Variants in KLRD1 observed in about 807,000 individuals in gnomAD.
KLRD1 encodes killer cell lectin like receptor D1.
Under a neutral mutation model 22.6 loss-of-function variants are expected in KLRD1, and 21 were observed. The observed-to-expected ratio is 0.93, with a 90% confidence interval of 0.66 to 1.34. KLRD1 has a LOEUF of 1.34. Among genes scored for constraint, KLRD1 ranks in the 40% most tolerant of loss-of-function variants. KLRD1 has a pLI of 0.00. For synonymous variants in KLRD1, 59 were observed against 71.1 expected (o/e 0.83, Z 0.85); for missense variants, 183 against 208.6 (o/e 0.88, Z 0.76).
At chr12:10,307,324 C>T (rs1488884256), upstream of KLRD1, among the ~76,000 whole-genome samples, 1 of 152,086 alleles carries the variant, frequency 6.6e-6, no homozygotes, top group Non-Finnish European at 1.5e-5. Flanking sequence ...GTGAATGAGG[C>T]GTCCAAGTGG....
At chr12:10,263,020 G>GACGT (rs1265963335) in intron 1 of KLRD1, among the ~76,000 whole-genome samples, 1 of 152,020 alleles carries the variant, frequency 6.6e-6, no homozygotes, top group Non-Finnish European at 1.5e-5. Context: ...AAACACCTTA[G>GACGT]ACGTAGTGTA....
intron 1 of KLRD1, among the ~76,000 whole-genome samples, chr12:10,251,713 C>T (rs534338670): frequency 5.9e-5 from 9 of 151,564 alleles, no homozygotes; most frequent in South Asian, 2.1e-4. Flanking sequence ...CTGGGGGTGA[C>T]GGGAGACAGT....
intron 1 of KLRD1, among the ~76,000 whole-genome samples, chr12:10,259,218 T>C (rs1215185028): frequency 6.6e-6 from 1 of 152,214 alleles, no homozygotes; most frequent in Non-Finnish European, 1.5e-5. Context: ...TATTCTAATA[T>C]GCAATTCTTC....
At chr12:10,251,057 A>G (rs947758552) in intron 1 of KLRD1, among the ~76,000 whole-genome samples, 11 of 152,186 alleles carry the variant, frequency 7.2e-5, no homozygotes, top group African/African-American at 2.2e-4. Flanking sequence ...CCTCACTAGC[A>G]TTAACTACAG....
At chr12:10,284,272 A>C (rs1949678644) in intron 1 of KLRD1, among the ~76,000 whole-genome samples, 1 of 152,246 alleles carries the variant, frequency 6.6e-6, no homozygotes, top group Non-Finnish European at 1.5e-5. Flanking sequence ...TACCTTGTCC[A>C]ATCTATACAT....
chr12:10,316,408 A>T lies in KLRD1; in HGVS notation c.*1615A>T, dbSNP rs1197949254. 6.6e-6 allele frequency: 1 copy of T among 151,094 alleles called. No individual in the cohort carries two copies. Among genetic ancestry groups the T allele is most frequent in the African/African-American group, 2.4e-5 (1 of 41,006 alleles). The allele number at this position is 151,094 out of a possible 1,614,324, so 9.4% of individuals were successfully genotyped here. On this transcript the variant is annotated 3_prime_UTR_variant, in exon 6 of 6. Transcript: ENST00000336164. The stretch of plus-strand genomic sequence containing the variant: ...ACTTATTTTATTTTTTACTTTTATT[A>T]TTTTTTTTTCTGAGACACGGTTTCA...
At chr12:10,243,261 A>G (rs565481852) in intron 1 of KLRD1, among the ~76,000 whole-genome samples, 1 of 152,298 alleles carries the variant, frequency 6.6e-6, no homozygotes, top group African/African-American at 2.4e-5. Context: ...CAATGTGTAC[A>G]TATATCAAAA....
chr12:10,257,778 G>A (rs984333314), intron 1 of KLRD1, among the ~76,000 whole-genome samples: 3 of 151,640 alleles, frequency 2.0e-5, no homozygotes, highest in African/African-American at 7.3e-5. Context: ...GTGTTTTCCT[G>A]TTTCTTCGTA....
chr12:10,286,935 C>T (rs1204871066), intron 1 of KLRD1, among the ~76,000 whole-genome samples: 5 of 151,942 alleles, frequency 3.3e-5, no homozygotes, highest in East Asian at 1.9e-4. Context: ...GTCATGAGTT[C>T]GAGACCAGCC....
chr12:10,305,029 G>A (rs1311554712), upstream of KLRD1, among the ~76,000 whole-genome samples: 1 of 152,132 alleles, frequency 6.6e-6, no homozygotes, highest in Non-Finnish European at 1.5e-5. Context: ...ATACTAGAAC[G>A]TATACTGTTA....
intron 1 of KLRD1, among the ~76,000 whole-genome samples, chr12:10,284,680 C>A (rs900387033): frequency 6.6e-6 from 1 of 152,138 alleles, no homozygotes; most frequent in African/African-American, 2.4e-5. Flanking sequence ...CCACAAATTT[C>A]AGATAAGAAA....
At chr12:10,268,688 C>G (rs1014595055) in intron 1 of KLRD1, among the ~76,000 whole-genome samples, 3 of 151,890 alleles carry the variant, frequency 2.0e-5, no homozygotes, top group African/African-American at 7.3e-5. Context: ...TTTTCCTTGC[C>G]GAAGACATGC....
chr12:10,299,887 A>T (rs561874512), upstream of KLRD1, among the ~76,000 whole-genome samples: 1 of 152,192 alleles, frequency 6.6e-6, no homozygotes, highest in Non-Finnish European at 1.5e-5. Context: ...ATAGGAGTAG[A>T]TTCCATCCCA....
At chr12:10,279,641 A>G (rs778445164) in intron 1 of KLRD1, among the ~76,000 whole-genome samples, 37 of 152,222 alleles carry the variant, frequency 2.4e-4, no homozygotes, top group Non-Finnish European at 3.8e-4. Flanking sequence ...ATCTCAAAGA[A>G]TGCATGTTCA....
intron 1 of KLRD1, among the ~76,000 whole-genome samples, chr12:10,272,676 G>T (rs943285361): frequency 6.6e-6 from 1 of 152,126 alleles, no homozygotes; most frequent in Non-Finnish European, 1.5e-5. Context: ...ATGGGACCAA[G>T]GCAACAGAAG....
At chr12:10,239,577 TTCTTTCTTTTTC>T (rs1437320032) in intron 1 of KLRD1, among the ~76,000 whole-genome samples, 20 of 143,986 alleles carry the variant, frequency 1.4e-4, no homozygotes, top group African/African-American at 4.4e-4. Flanking sequence ...CTTTCTTTCT[TTCTTTCTTTTTC>T]TTTCTTTCTT....
intron 1 of KLRD1, among the ~76,000 whole-genome samples, chr12:10,257,330 C>A (rs1949407335): frequency 6.6e-6 from 1 of 150,622 alleles, no homozygotes; most frequent in Non-Finnish European, 1.5e-5. Context: ...TCTTTCTTTT[C>A]CTATTCTATG....
chr12:10,241,238 T>A (rs1254403016), intron 1 of KLRD1, among the ~76,000 whole-genome samples: 2 of 152,220 alleles, frequency 1.3e-5, no homozygotes, highest in Non-Finnish European at 1.5e-5. Context: ...AAATAGCGAC[T>A]TCACCTCATC....
chr12:10,284,021 C>CAA (rs10706142), intron 1 of KLRD1, among the ~76,000 whole-genome samples: 5,584 of 129,314 alleles, frequency 0.043, 216 homozygotes, highest in South Asian at 0.15. Context: ...ATTAAAAATA[C>CAA]AAAAAAAAAA....
Sources: gnomAD v4.1 joint callset for allele counts (sites outside exome capture counted in the v4.1 genomes callset) on GRCh38, gnomAD v4.1.1 for gene constraint, MANE v1.5 for transcripts, NCBI Gene and HGNC (gene_info 2026-07-23, HGNC 2026-07-21) for gene names.